Variants in CPA4 observed in about 807,000 individuals in gnomAD.
The protein encoded by CPA4 is carboxypeptidase A4.
A neutral mutation model predicts 54.7 loss-of-function variants in CPA4; 49 were observed. That is an observed-to-expected ratio of 0.90 (90% CI 0.71 to 1.14). CPA4 has a LOEUF of 1.14. Ranked by LOEUF, CPA4 falls within the 50% of genes most tolerant of loss-of-function variation. The pLI is 0.00. For missense variants in CPA4, 487 were observed against 525.1 expected, an observed-to-expected ratio of 0.93 and a Z score of 0.71; for synonymous variants, 215 against 206.8, an observed-to-expected ratio of 1.04 and a Z score of -0.34.
At chr7:130,311,133 G>A in intron 9 of CPA4, 147 bp downstream of exon 9, 1 of 660,208 alleles carries the variant, frequency 1.5e-6, no homozygotes, top group Admixed American at 2.5e-5. Flanking sequence ...TGCCCTTTGG[G>A]ATATGCTGTC....
At position 130,304,430 on chromosome 7, in the gene CPA4, A is replaced by G. The variant is rs112569976; in HGVS notation, c.385-48A>G. The G allele has an allele frequency of 3.8e-6, 4 of 1,059,724 alleles. No homozygotes were observed. In the Admixed American group the frequency reaches 6.7e-5, roughly 18 times the overall value. 65.6% of individuals were successfully genotyped at this position (1,059,724 alleles called of 1,614,324 possible). A position where few individuals can be genotyped will look rare whatever the true frequency, so the allele number is the denominator to read the frequency against. ...GTAAATCACAGATATCCAGCCATAG[A>G]TAAGCAGATTTTTAAAATGTCCCTG... is the stretch of plus-strand genomic sequence containing the variant. On this transcript the variant is annotated intron_variant, in intron 4 of 10. Transcript: ENST00000222482.
At chr7:130,304,340 T>G (rs1793784551) in intron 4 of CPA4, 138 bp from the exon 5 acceptor site, 1 of 717,848 alleles carries the variant, frequency 1.4e-6, no homozygotes, top group Non-Finnish European at 2.6e-6. Flanking sequence ...AATCAGCGTT[T>G]CCATGCCGAT....
chr7:130,298,750 CAA>C lies in CPA4; in HGVS notation c.74_75del (p.Gln25ArgfsTer5), dbSNP rs750695087. On this transcript the variant is annotated frameshift_variant, in exon 2 of 11. Coordinates refer to ENST00000222482, the MANE Select transcript of CPA4 (RefSeq NM_016352.4). LOFTEE classifies it high-confidence loss of function. ...ICGQEKFFGDQVLRINVRNGD... is the reference protein window; with the variant it reads ...ICGQEKFFGDXVLRINVRNGD... Reference sequence around the variant, plus strand: ...TCCTTTTCGCTTCTTCCCCAGGGACCAAGTTTTGAGGATTAATGTCAGAAATG... The same window carrying C: ...TCCTTTTCGCTTCTTCCCCAGGGACCGTTTTGAGGATTAATGTCAGAAATG... 8.1e-6 allele frequency: 13 copies of C among 1,604,304 alleles called. No individual in the cohort carries two copies. In the African/African-American group the frequency reaches 1.6e-4, roughly 20 times the overall value.
chr7:130,293,736 C>T (rs1258612809), intron 1 of CPA4, among the ~76,000 whole-genome samples: 2 of 152,160 alleles, frequency 1.3e-5, no homozygotes, highest in Non-Finnish European at 2.9e-5. Context: ...TTCTCTTGAT[C>T]TGCAGTTTAA....
At chr7:130,301,296 C>T (rs560397806) in intron 4 of CPA4, among the ~76,000 whole-genome samples, 11 of 152,246 alleles carry the variant, frequency 7.2e-5, no homozygotes, top group Non-Finnish European at 1.0e-4. Flanking sequence ...ATGATGATTT[C>T]GAAGGTTAAC....
intron 8 of CPA4, among the ~76,000 whole-genome samples, chr7:130,309,142 G>A (rs1053883092): frequency 6.6e-6 from 1 of 152,280 alleles, no homozygotes; most frequent in South Asian, 2.1e-4. Context: ...CATCGCATCC[G>A]GACTGTTTGT....
chr7:130,320,138 A>G (rs957146340), intron 10 of CPA4, among the ~76,000 whole-genome samples: 3 of 152,200 alleles, frequency 2.0e-5, no homozygotes, highest in Admixed American at 6.5e-5. Flanking sequence ...CATTCACACA[A>G]TGCAGCACTA....
intron 4 of CPA4, among the ~76,000 whole-genome samples, chr7:130,304,257 T>G (rs1233743903): frequency 6.6e-6 from 1 of 152,198 alleles, no homozygotes; most frequent in Non-Finnish European, 1.5e-5. Context: ...TTTAGTGGAC[T>G]ACAATTTTGT....
intron 10 of CPA4, among the ~76,000 whole-genome samples, chr7:130,312,733 A>C (rs993356315): frequency 1.3e-5 from 2 of 152,186 alleles, no homozygotes; most frequent in Non-Finnish European, 2.9e-5. Flanking sequence ...TAAACCTGAG[A>C]GGGGCTTCTG....
rs1464560582 is a variant in CPA4, at chr7:130,322,604, C to A, written c.1194C>A (p.Ile398=). The A allele has an allele frequency of 6.2e-7, 1 of 1,614,122 alleles. No individual in the cohort carries two copies. Among genetic ancestry groups the A allele is most frequent in the Non-Finnish European group, 8.5e-7 (1 of 1,180,044 alleles). ...GCTTCCTCCTGCCAGCTAACCAGAT[C>A]ATCCCCACTGCAGAGGAGACGTGGC... is the stretch of plus-strand genomic sequence containing the variant. ...TYGFLLPANQ[I]IPTAEETWLG... Residue 398 remains isoleucine, a synonymous_variant, in exon 11 of 11, where the codon ATC becomes ATA. Coordinates refer to ENST00000222482, the MANE Select transcript of CPA4 (RefSeq NM_016352.4).
intron 7 of CPA4, among the ~76,000 whole-genome samples, chr7:130,307,981 A>T (rs1370415240): frequency 1.3e-5 from 2 of 152,234 alleles, no homozygotes; most frequent in African/African-American, 4.8e-5. Context: ...AGCTACATCT[A>T]TTATCACCGA....
intron 4 of CPA4, among the ~76,000 whole-genome samples, 159 bp from the exon 5 acceptor site, chr7:130,304,319 G>A (rs1190973761): frequency 1.3e-5 from 2 of 152,208 alleles, no homozygotes; most frequent in African/African-American, 4.8e-5. Flanking sequence ...GACTATTCAG[G>A]CAGGTCTCAT....
intron 4 of CPA4, among the ~76,000 whole-genome samples, chr7:130,302,498 A>G (rs1411385699): frequency 6.6e-6 from 1 of 151,856 alleles, no homozygotes; most frequent in East Asian, 1.9e-4. Context: ...CAAAAAAAAA[A>G]AAAAAAAAGA....
In CPA4 at chr7:130,310,909, G is replaced by C. The variant is rs781426403; in HGVS notation, c.916G>C (p.Asp306His). The C allele has an allele frequency of 6.2e-7, 1 of 1,613,974 alleles. No homozygotes were observed. The highest frequency in any genetic ancestry group is 8.5e-7 in the Non-Finnish European group (1 of 1,180,004). Residue 306 changes from aspartate to histidine, a missense_variant, in exon 9 of 11, where the codon GAC (aspartate) becomes CAC (histidine). Asp to His is a moderately conservative substitution (Grantham distance 81). Transcript: ENST00000222482. The surrounding 1 kb of genome is among the most constrained non-coding windows in gnomAD (Gnocchi z 4.3). The part of the protein sequence containing the change: ...QKHGNFKGFI[D>H]LHSYSQLLMY... ...ACATGGGAATTTCAAGGGCTTCATCGACCTGCACAGCTACTCGCAGCTGCT... is the reference window on the plus strand; with the variant it reads ...ACATGGGAATTTCAAGGGCTTCATCCACCTGCACAGCTACTCGCAGCTGCT...
chr7:130,307,348 G>A (rs188081852), intron 7 of CPA4, among the ~76,000 whole-genome samples: 6 of 152,140 alleles, frequency 3.9e-5, no homozygotes, highest in East Asian at 1.9e-4. Flanking sequence ...AATGGAGGCC[G>A]AGGCCAGGCG....
chr7:130,321,572 C>T (rs1794101534), intron 10 of CPA4, among the ~76,000 whole-genome samples: 1 of 152,126 alleles, frequency 6.6e-6, no homozygotes, highest in Non-Finnish European at 1.5e-5. Flanking sequence ...TAAAGACATA[C>T]CTGGGACTGG....
intron 4 of CPA4, among the ~76,000 whole-genome samples, chr7:130,302,296 G>A (rs1174692995): frequency 6.6e-6 from 1 of 152,102 alleles, no homozygotes; most frequent in Non-Finnish European, 1.5e-5. Context: ...GGACCAGCCT[G>A]GCTAACATGG....
At chr7:130,293,553 T>C (rs1012068357) in intron 1 of CPA4, 6 of 306,968 alleles carry the variant, frequency 2.0e-5, no homozygotes, top group Non-Finnish European at 2.4e-5. Flanking sequence ...TCCTACCTTA[T>C]TAATTACTAA....
intron 1 of CPA4, among the ~76,000 whole-genome samples, chr7:130,298,459 T>C (rs1405540283): frequency 1.3e-5 from 2 of 152,238 alleles, no homozygotes; most frequent in Non-Finnish European, 2.9e-5. Flanking sequence ...TTCCGCTGTC[T>C]GTTTTTCTTC....
Sources: gnomAD v4.1 joint callset for allele counts (sites outside exome capture counted in the v4.1 genomes callset) on GRCh38, gnomAD v4.1.1 for gene constraint, Gnocchi (gnomAD v3.1) non-coding constraint, MANE v1.5 for transcripts, NCBI Gene and HGNC (gene_info 2026-07-23, HGNC 2026-07-21) for gene names.